The following BTBD9 variants were observed in gnomAD, a reference collection of about 807,000 sequenced individuals.
BTBD9 encodes BTB domain containing 9, also known as BTB/POZ domain-containing protein 9.
In BTBD9, 49 loss-of-function variants were observed where a neutral mutation model predicts 64.3. The ratio of observed to expected loss-of-function variants is 0.76; its 90% CI spans 0.61 to 0.97. The LOEUF is 0.97. BTBD9 is among the 50% of genes least tolerant of loss of function. The pLI, the probability that BTBD9 is intolerant of heterozygous loss-of-function variation, is 0.00. For synonymous variants in BTBD9, 260 were observed against 274.7 expected (o/e 0.95, Z 0.53); for missense variants, 598 against 762.1 (o/e 0.78, Z 2.53).
At chr6:38,190,760 T>C (rs2127484095) in intron 10 of BTBD9, among the ~76,000 whole-genome samples, 1 of 152,288 alleles carries the variant, frequency 6.6e-6, no homozygotes, top group Non-Finnish European at 1.5e-5. Flanking sequence ...TCATTCTTCA[T>C]CTAGAATAGC....
intron 7 of BTBD9, among the ~76,000 whole-genome samples, chr6:38,340,984 T>TACC (rs1764074333): frequency 6.6e-6 from 1 of 152,176 alleles, no homozygotes; most frequent in Non-Finnish European, 1.5e-5. Context: ...TGCTAAATGT[T>TACC]ACCACGGAAA....
Position 38,175,039 on chromosome 6 carries a change from T to G in BTBD9, c.1785A>C (p.Ser595=). 2 of 1,614,124 alleles carry G rather than the reference T, an allele frequency of 1.2e-6. No individual in the cohort carries two copies. ...AGTTGGAGCCTGGGCTGGAGGGTAG[T>G]GAGCTGCCACTAGGCGCCCGCAGCG... The part of the protein sequence containing the change: ...SHALRAPSGS[S]LPSSPGSNSR... The change falls in exon 11 of 11, where the codon TCA becomes TCC. Residue 595 remains serine (S), a synonymous_variant. Coordinates refer to ENST00000481247, the MANE Select transcript of BTBD9 (RefSeq NM_001099272.2).
chr6:38,220,431 C>A (rs1477508747), intron 9 of BTBD9, among the ~76,000 whole-genome samples: 1 of 152,214 alleles, frequency 6.6e-6, no homozygotes, highest in Non-Finnish European at 1.5e-5. Flanking sequence ...ACAGGTATAA[C>A]CCTATCAGTG....
chr6:38,179,647 C>T (rs1043811407), intron 10 of BTBD9: 6 of 456,658 alleles, frequency 1.3e-5, no homozygotes, highest in Admixed American at 1.2e-4. Context: ...CCTGTGTTCA[C>T]TCTTCTGCAA....
At chr6:38,214,610 G>A (rs541997190) in intron 9 of BTBD9, among the ~76,000 whole-genome samples, 2 of 152,254 alleles carry the variant, frequency 1.3e-5, no homozygotes, top group African/African-American at 4.8e-5. Flanking sequence ...AGGCTGCAAG[G>A]GAGGTCGCGT....
At chr6:38,337,022 T>C (rs1468049346) in intron 7 of BTBD9, among the ~76,000 whole-genome samples, 3 of 152,154 alleles carry the variant, frequency 2.0e-5, no homozygotes, top group East Asian at 1.9e-4. Context: ...GTTAGAGAAA[T>C]AGGACTTGGA....
chr6:38,213,467 T>C (rs1236147193), intron 9 of BTBD9, among the ~76,000 whole-genome samples: 1 of 152,122 alleles, frequency 6.6e-6, no homozygotes, highest in Non-Finnish European at 1.5e-5. Context: ...TTTAACACAC[T>C]GGAATCTCTG....
chr6:38,600,814 A>G (rs1355083705), intron 1 of BTBD9, among the ~76,000 whole-genome samples: 1 of 152,204 alleles, frequency 6.6e-6, no homozygotes, highest in Non-Finnish European at 1.5e-5. Context: ...TTACATATGT[A>G]TCTACCATAA....
chr6:38,522,283 A>G (rs1773303412), intron 6 of BTBD9, among the ~76,000 whole-genome samples: 2 of 152,328 alleles, frequency 1.3e-5, no homozygotes, highest in Middle Eastern at 3.4e-3. Context: ...AAACAAAAAA[A>G]CAAAAAACCA....
chr6:38,525,194 T>C (rs1336459684), intron 6 of BTBD9, among the ~76,000 whole-genome samples: 1 of 152,174 alleles, frequency 6.6e-6, no homozygotes, highest in Admixed American at 6.5e-5. Flanking sequence ...TACACTGTTC[T>C]CATGACAGTG....
intron 6 of BTBD9, among the ~76,000 whole-genome samples, chr6:38,549,959 C>G (rs1462552781): frequency 6.6e-6 from 1 of 152,154 alleles, no homozygotes; most frequent in African/African-American, 2.4e-5. Flanking sequence ...GCTTGGCTTT[C>G]AAGAAACTAT....
At chr6:38,507,087 C>T (rs138170105) in intron 6 of BTBD9, among the ~76,000 whole-genome samples, 141 of 152,316 alleles carry the variant, frequency 9.3e-4, no homozygotes, top group African/African-American at 2.8e-3. Flanking sequence ...TCACATCCTT[C>T]GGATCTCAGT....
chr6:38,239,853 T>C (rs762888586), intron 9 of BTBD9, among the ~76,000 whole-genome samples: 8 of 152,164 alleles, frequency 5.3e-5, no homozygotes, highest in Non-Finnish European at 1.2e-4. Context: ...AATTACTGCT[T>C]ATTATATAGT....
At chr6:38,305,638 C>A (rs578163918) in intron 7 of BTBD9, among the ~76,000 whole-genome samples, 1 of 152,158 alleles carries the variant, frequency 6.6e-6, no homozygotes, top group South Asian at 2.1e-4. Flanking sequence ...CACGCCACCA[C>A]ACCGGGCTAA....
chr6:38,628,796 C>T (rs1778259838), intron 1 of BTBD9, among the ~76,000 whole-genome samples: 1 of 152,008 alleles, frequency 6.6e-6, no homozygotes, highest in Non-Finnish European at 1.5e-5. Flanking sequence ...AGCAATGATA[C>T]CTCAGTAGCT....
chr6:38,573,594 G>A lies in BTBD9; in HGVS notation c.1154+4006C>T, dbSNP rs142371297. Among the ~76,000 whole-genome samples, 394 of 152,212 alleles carry A rather than the reference G, an allele frequency of 2.6e-3. 1 individual carries two copies. The highest frequency in any genetic ancestry group is 4.8e-3 in the Non-Finnish European group (324 of 68,018). ...TCTCAACGGGCATAACCTTGAGAAC[G>A]TTGCTTTTAGCCCTGCTTTCTTCTC... On this transcript the variant is annotated intron_variant, in intron 6 of 10. Coordinates refer to ENST00000481247, the MANE Select transcript of BTBD9 (RefSeq NM_001099272.2).
intron 6 of BTBD9, among the ~76,000 whole-genome samples, chr6:38,435,567 CCTT>C (rs1354197101): frequency 6.9e-6 from 1 of 144,796 alleles, no homozygotes; most frequent in Admixed American, 6.9e-5. Context: ...TTCTTTCTTT[CCTT>C]CTTTCCTTCC....
intron 9 of BTBD9, among the ~76,000 whole-genome samples, chr6:38,221,696 G>C (rs1582071850): frequency 6.6e-6 from 1 of 152,196 alleles, no homozygotes; most frequent in Non-Finnish European, 1.5e-5. Flanking sequence ...TGCTGTAAGA[G>C]ATATGATCTC....
At position 38,594,284 on chromosome 6, in the gene BTBD9, C is replaced by T; in HGVS notation, c.229G>A (p.Glu77Lys). The change falls in exon 3 of 11, where the codon GAA becomes AAA. Residue 77 changes from glutamate (E) to lysine (K), a missense_variant. Physicochemically the swap from Glu to Lys is moderately conservative, Grantham distance 56. Coordinates refer to ENST00000481247, the MANE Select transcript of BTBD9 (RefSeq NM_001099272.2). ...GGMRESQPEA[E>K]IPLQDTTAEA... ...GCAGTGGTGTCTTGGAGAGGAATTT[C>T]TGCTTCAGGCTGAGACTCTCGCATT... is the stretch of plus-strand genomic sequence containing the variant. 1.2e-6 allele frequency: 2 copies of T among 1,613,984 alleles called. No homozygotes were observed. The highest frequency in any genetic ancestry group is 8.5e-7 in the Non-Finnish European group (1 of 1,179,854).
Sources: gnomAD v4.1 joint callset for allele counts (sites outside exome capture counted in the v4.1 genomes callset) on GRCh38, gnomAD v4.1.1 for gene constraint, MANE v1.5 for transcripts, NCBI Gene and HGNC (gene_info 2026-07-23, HGNC 2026-07-21) for gene names.